Variants in METTL8 observed in about 807,000 individuals in gnomAD.
METTL8 encodes the protein tRNA N(3)-cytidine methyltransferase METTL8, mitochondrial.
A neutral mutation model predicts 48.7 loss-of-function variants in METTL8; 32 were observed. That is an observed-to-expected ratio of 0.66 (90% CI 0.50 to 0.88). METTL8 has a LOEUF of 0.88. Ranked by LOEUF, METTL8 falls within the 40% of genes least tolerant of loss-of-function variation. The probability of loss-of-function intolerance (pLI) is 0.00; values close to 1 mark genes in which losing one functional copy is unlikely to be tolerated. For synonymous variants in METTL8, 136 were observed against 157.1 expected, an observed-to-expected ratio of 0.87 and a Z score of 1.01; for missense variants, 464 against 474.4, an observed-to-expected ratio of 0.98 and a Z score of 0.20.
intron 2 of METTL8, among the ~76,000 whole-genome samples, chr2:171,383,064 A>G (rs1339145612): frequency 6.6e-6 from 1 of 152,104 alleles, no homozygotes; most frequent in Admixed American, 6.6e-5. Flanking sequence ...ACAGAGCAAG[A>G]CTCTGTGTGA....
At chr2:171,350,422 T>TA (rs1267482734) in intron 3 of METTL8, among the ~76,000 whole-genome samples, 1 of 152,240 alleles carries the variant, frequency 6.6e-6, no homozygotes. Flanking sequence ...ACAATAAACA[T>TA]ACGTGTGCAT....
intron 2 of METTL8, among the ~76,000 whole-genome samples, chr2:171,368,120 A>G (rs541969224): frequency 2.0e-5 from 3 of 152,352 alleles, no homozygotes; most frequent in African/African-American, 7.2e-5. Flanking sequence ...AAAATGAAAC[A>G]ATTAAAAAAT....
In METTL8 at chr2:171,360,522, A is replaced by C. The variant is rs1186754617; in HGVS notation, c.144-9T>G. On this transcript the variant is annotated splice_polypyrimidine_tract_variant and intron_variant, in intron 2 of 9. Transcript: ENST00000375258. ...ACCACTGCATGTGATCCCTATTAAAAAAAAATAGACTGTAAAATATGCTTT... is the reference window on the plus strand; with the variant it reads ...ACCACTGCATGTGATCCCTATTAAACAAAAATAGACTGTAAAATATGCTTT... The C allele has an allele frequency of 6.2e-7, 1 of 1,607,806 alleles. No homozygotes were observed. Among genetic ancestry groups the C allele is most frequent in the Non-Finnish European group, 8.5e-7 (1 of 1,178,046 alleles).
At chr2:171,381,942 C>T (rs1452210723) in intron 2 of METTL8, among the ~76,000 whole-genome samples, 1 of 152,032 alleles carries the variant, frequency 6.6e-6, no homozygotes, top group African/African-American at 2.4e-5. Context: ...TCACCACGCC[C>T]AGCTAATTTT....
chr2:171,379,608 G>A (rs556960001), intron 2 of METTL8, among the ~76,000 whole-genome samples: 5 of 152,302 alleles, frequency 3.3e-5, no homozygotes, highest in African/African-American at 9.6e-5. Context: ...ACTACCATCA[G>A]AGAGTACTAT....
chr2:171,329,409 T>C (rs1409627895), intron 7 of METTL8, among the ~76,000 whole-genome samples: 1 of 152,238 alleles, frequency 6.6e-6, no homozygotes, highest in Non-Finnish European at 1.5e-5. Flanking sequence ...TGGGTGTCAA[T>C]GGGGAATCTT....
intron 3 of METTL8, among the ~76,000 whole-genome samples, chr2:171,355,338 T>C (rs934334569): frequency 3.9e-5 from 6 of 152,190 alleles, no homozygotes; most frequent in Admixed American, 2.6e-4. Flanking sequence ...AAGCTTCGTC[T>C]CAGAGGGGTA....
chr2:171,317,853 G>A lies in METTL8; in HGVS notation c.*6319C>T, dbSNP rs774642014. 6.6e-6 allele frequency: 1 copy of A among 152,188 alleles called. No individual in the cohort carries two copies. Among genetic ancestry groups the A allele is most frequent in the Admixed American group, 6.5e-5 (1 of 15,272 alleles). 9.4% of individuals were successfully genotyped at this position (152,188 alleles called of 1,614,324 possible). A position where few individuals can be genotyped will look rare whatever the true frequency, so the allele number is the denominator to read the frequency against. ...GCCAACCTGACTTGCCAGAATTAGG[G>A]TCACTGTGCTCTGAGACACTTTGAG... On this transcript the variant is annotated 3_prime_UTR_variant, in exon 10 of 10. Transcript: ENST00000375258.
chr2:171,357,824 A>C (rs929054228), intron 3 of METTL8, among the ~76,000 whole-genome samples: 3 of 152,068 alleles, frequency 2.0e-5, no homozygotes, highest in African/African-American at 7.2e-5. Flanking sequence ...CCCCCTGAGT[A>C]GCTGGGACTA....
Position 171,331,814 on chromosome 2 carries a change from T to G in METTL8, c.710A>C (p.Glu237Ala). The G allele has an allele frequency of 1.2e-6, 2 of 1,604,132 alleles. No individual in the cohort carries two copies. Among genetic ancestry groups the G allele is most frequent in the Non-Finnish European group, 1.7e-6 (2 of 1,174,846 alleles). The stretch of plus-strand genomic sequence containing the variant: ...CCAGGAGTAGCATACCTTTACGAGC[T>G]CCACAGCTCCAGAAGCAAAATCACA... ...YCCDFASGAV[E>A]LVKSHSSYRA... Residue 237 changes from glutamate to alanine, a missense_variant, in exon 6 of 10, where the codon GAG becomes GCG. Coordinates refer to ENST00000375258, the MANE Select transcript of METTL8 (RefSeq NM_001321154.2).
At position 171,430,940 on chromosome 2, in the gene METTL8, A is replaced by C. The variant is rs113585896; in HGVS notation, c.-13+2943T>G. On this transcript the variant is annotated intron_variant, in intron 1 of 9. Coordinates refer to ENST00000375258, the MANE Select transcript of METTL8 (RefSeq NM_001321154.2). The stretch of plus-strand genomic sequence containing the variant: ...TTGAGTGGTGCCTTTGTTTTAGCCT[A>C]TTTTGCATACTCACAAACCAATCAG... Among the ~76,000 whole-genome samples, 732 of 151,794 alleles carry C rather than the reference A, an allele frequency of 4.8e-3. 5 individuals carry two copies. The highest frequency in any genetic ancestry group is 0.017 in the East Asian group (86 of 5,164).
At position 171,406,154 on chromosome 2, in the gene METTL8, A is replaced by G. The variant is rs140913403; in HGVS notation, c.-12-13957T>C. Among the ~76,000 whole-genome samples the G allele has an allele frequency of 3.2e-3, 495 of 152,342 alleles. 1 individual carries two copies. Among genetic ancestry groups the G allele is most frequent in the African/African-American group, 0.011 (452 of 41,584 alleles). ...TGAACATATACCCTATGCTAAGCCA[A>G]TCGGCACACTTCTATACCTCTGGGC... On this transcript the variant is annotated intron_variant, in intron 1 of 9. Transcript: ENST00000375258.
intron 5 of METTL8, among the ~76,000 whole-genome samples, chr2:171,336,863 C>CCTT (rs1686170566): frequency 1.1e-5 from 1 of 88,110 alleles, no homozygotes; most frequent in African/African-American, 4.5e-5. Context: ...ATCACTTCCT[C>CCTT]TTTTTTTTTT....
At chr2:171,326,747 T>C (rs1323077684) in intron 7 of METTL8, among the ~76,000 whole-genome samples, 1 of 152,230 alleles carries the variant, frequency 6.6e-6, no homozygotes, top group East Asian at 1.9e-4. Flanking sequence ...CCTGTCTTTT[T>C]TGTTTCCCAT....
Position 171,339,520 on chromosome 2 carries a change from G to T in METTL8, c.270C>A (p.Asp90Glu). The T allele has an allele frequency of 6.3e-7, 1 of 1,592,012 alleles. No individual in the cohort carries two copies. The highest frequency in any genetic ancestry group is 8.6e-7 in the Non-Finnish European group (1 of 1,163,350). ...TATTCTTATGAATCTTGTAAAATGT[G>T]TCCCAGTATTTACTAGCTTCTCTCT... is the stretch of plus-strand genomic sequence containing the variant. ...KYEREASKYW[D>E]TFYKIHKNKF... The change falls in exon 4 of 10, where the codon GAC becomes GAA. Residue 90 changes from aspartate to glutamate, a missense_variant. Coordinates refer to ENST00000375258, the MANE Select transcript of METTL8 (RefSeq NM_001321154.2).
chr2:171,434,394 C>G, upstream of METTL8: 1 of 1,005,220 alleles, frequency 9.9e-7, no homozygotes, highest in Non-Finnish European at 1.5e-6. Flanking sequence ...GCGGTGCAAG[C>G]GGCTCTGCTT....
At chr2:171,379,631 G>A (rs1687318396) in intron 2 of METTL8, among the ~76,000 whole-genome samples, 1 of 152,050 alleles carries the variant, frequency 6.6e-6, no homozygotes, top group Admixed American at 6.6e-5. Flanking sequence ...ACACTTCCAG[G>A]CAAATAAGCT....
At position 171,335,550 on chromosome 2, in the gene METTL8, G is replaced by A. The variant is rs551771317; in HGVS notation, c.656+1903C>T. 1.1e-4 allele frequency among the ~76,000 whole-genome samples: 16 copies of A among 151,996 alleles called. No individual in the cohort carries two copies. In the South Asian group the frequency reaches 2.3e-3, roughly 22 times the overall value. On this transcript the variant is annotated intron_variant, in intron 5 of 9. Transcript: ENST00000375258. Reference sequence around the variant, plus strand: ...AGCAATTCTCCTGCCTCAGCCTCCCGAGTAGCTAGGATTACAATTGTGCAC... The same window carrying A: ...AGCAATTCTCCTGCCTCAGCCTCCCAAGTAGCTAGGATTACAATTGTGCAC...
intron 3 of METTL8, among the ~76,000 whole-genome samples, chr2:171,345,731 T>C (rs1687202925): frequency 6.6e-6 from 1 of 152,212 alleles, no homozygotes; most frequent in African/African-American, 2.4e-5. Context: ...AATTACAGGA[T>C]ATTTTAAAGT....
Sources: allele counts gnomAD v4.1 joint callset (sites outside exome capture counted in the v4.1 genomes callset), GRCh38; gene constraint gnomAD v4.1.1; transcripts MANE v1.5; gene names NCBI Gene and HGNC (gene_info 2026-07-23, HGNC 2026-07-21).